The following PMP22 variants were observed in gnomAD, a reference collection of about 807,000 sequenced individuals.
The protein encoded by PMP22 is peripheral myelin protein 22, also known as Charcot-Marie-Tooth neuropathy 1A (greatly reduced nerve conduction velocity, hereditary motor sensory neuropathy Ia).
Under a neutral mutation model 18.9 loss-of-function variants are expected in PMP22, and 2 were observed. The ratio of observed to expected loss-of-function variants is 0.11; its 90% CI spans 0.04 to 0.33. The LOEUF (loss-of-function observed/expected upper bound fraction) is 0.33, where lower values mean the gene tolerates loss of function less well. Ranked by LOEUF, PMP22 falls within the 10% of genes least tolerant of loss-of-function variation. The pLI is 1.00. For missense variants in PMP22, 169 were observed against 202.2 expected (o/e 0.84, Z 1.00); for synonymous variants, 95 against 89.2 (o/e 1.07, Z -0.37).
intron 3 of PMP22, among the ~76,000 whole-genome samples, chr17:15,255,815 A>T (rs9899940): frequency 0.092 from 13,943 of 152,056 alleles, 2,049 homozygotes; most frequent in African/African-American, 0.31. Context: ...GAGATTTCCC[A>T]TCCGCTTCCT....
intron 2 of PMP22, 35 bp downstream of exon 2, chr17:15,260,615 G>A: frequency 6.5e-7 from 1 of 1,530,780 alleles, no homozygotes; most frequent in Non-Finnish European, 8.9e-7. Flanking sequence ...GGGGAAGGGC[G>A]GGCCGCGCAG....
At chr17:15,241,545 C>T (rs887392043) in intron 3 of PMP22, among the ~76,000 whole-genome samples, 2 of 152,106 alleles carry the variant, frequency 1.3e-5, no homozygotes, top group Non-Finnish European at 2.9e-5. Context: ...ACTGTCTTCA[C>T]CCTTAACCCC....
intron 3 of PMP22, among the ~76,000 whole-genome samples, chr17:15,257,430 T>C (rs569464457): frequency 4.6e-5 from 7 of 152,370 alleles, no homozygotes; most frequent in African/African-American, 1.7e-4. Flanking sequence ...TCCAGGATTC[T>C]GTGCCAAGCC....
intron 3 of PMP22, among the ~76,000 whole-genome samples, chr17:15,256,327 G>C (rs1311106014): frequency 1.3e-5 from 2 of 152,074 alleles, no homozygotes; most frequent in Non-Finnish European, 2.9e-5. Flanking sequence ...TCATGCACCA[G>C]AAAAATGAGT....
At chr17:15,263,583 G>GCGCACACACACA (rs71353722) in intron 1 of PMP22, among the ~76,000 whole-genome samples, 107 of 150,048 alleles carry the variant, frequency 7.1e-4, no homozygotes, top group African/African-American at 2.5e-3. Flanking sequence ...GCACGCGCGC[G>GCGCACACACACA]CACACACACA....
intron 3 of PMP22, among the ~76,000 whole-genome samples, chr17:15,247,170 C>A (rs192893779): frequency 6.6e-6 from 1 of 150,808 alleles, no homozygotes; most frequent in African/African-American, 2.4e-5. Context: ...GAGATTGAGA[C>A]CATCCTGGCT....
chr17:15,229,822 G>A lies in PMP22; in HGVS notation c.*1095C>T, dbSNP rs1906156224. 1 of 152,628 alleles carries A rather than the reference G, an allele frequency of 6.6e-6. No individual in the cohort carries two copies. The highest frequency in any genetic ancestry group is 1.5e-5 in the Non-Finnish European group (1 of 68,056). 9.5% of individuals were successfully genotyped at this position (152,628 alleles called of 1,614,324 possible). On this transcript the variant is annotated 3_prime_UTR_variant, in exon 5 of 5. Coordinates refer to ENST00000312280, the MANE Select transcript of PMP22 (RefSeq NM_000304.4). ...ATTTTAATGCATCTTAGTCCACACA[G>A]TTGGTATAAAATCAGAAAATGCAAA...
intron 3 of PMP22, among the ~76,000 whole-genome samples, chr17:15,257,244 T>TAAGAGA (rs1908915317): frequency 6.6e-6 from 1 of 152,216 alleles, no homozygotes; most frequent in Non-Finnish European, 1.5e-5. Context: ...CTGACAGCTA[T>TAAGAGA]TTCCAACGGC....
chr17:15,262,012 GA>G, intron 1 of PMP22, among the ~76,000 whole-genome samples: 1 of 152,308 alleles, frequency 6.6e-6, no homozygotes, highest in South Asian at 2.1e-4. Context: ...AATAAACAAG[GA>G]TTTCTGATGA....
In PMP22 at chr17:15,258,809, C is replaced by T. The variant is rs1046040877; in HGVS notation, c.178+285G>A. 4 of 455,394 alleles carry T rather than the reference C, an allele frequency of 8.8e-6. No homozygotes were observed. The highest frequency in any genetic ancestry group is 2.1e-5 in the South Asian group (1 of 48,276). The allele number at this position is 455,394 out of a possible 1,614,324, so 28.2% of individuals were successfully genotyped here. A position where few individuals can be genotyped will look rare whatever the true frequency, so the allele number is the denominator to read the frequency against. ...CATACCACCTTCACAGCTCCCAGGT[C>T]GATATTTTTTTCAATCACAAAAAGC... On this transcript the variant is annotated intron_variant, in intron 3 of 4. Coordinates refer to ENST00000312280, the MANE Select transcript of PMP22 (RefSeq NM_000304.4). This position sits in a 1 kb window ranked among gnomAD's most constrained non-coding sequence, Gnocchi z 4.1.
At chr17:15,236,488 C>T (rs777286715) in intron 4 of PMP22, among the ~76,000 whole-genome samples, 1 of 152,202 alleles carries the variant, frequency 6.6e-6, no homozygotes. Flanking sequence ...ACTTAAAACG[C>T]TCCAGTGCAT....
At chr17:15,245,317 C>T (rs570106309) in intron 3 of PMP22, among the ~76,000 whole-genome samples, 1 of 152,312 alleles carries the variant, frequency 6.6e-6, no homozygotes, top group East Asian at 1.9e-4. Context: ...ATATCACACA[C>T]TCCAGAAATG....
Position 15,231,059 on chromosome 17 carries a change from G to A in PMP22, c.341C>T (p.Ala114Val), listed in dbSNP as rs1217342392. The A allele has an allele frequency of 5.0e-6, 8 of 1,613,928 alleles. No homozygotes were observed. In the South Asian group the frequency reaches 6.6e-5, roughly 13 times the overall value. Residue 114 changes from alanine (A) to valine (V), a missense_variant, in exon 5 of 5, where the codon GCG becomes GTG. Physicochemically the swap from Ala to Val is moderately conservative, Grantham distance 64. Coordinates refer to ENST00000312280, the MANE Select transcript of PMP22 (RefSeq NM_000304.4). ...CGGGTGCCTCACCGTGTAGATGGCC[G>A]CAGCACTCATCACGCACAGACCTGG... ...ILAGLCVMSA[A>V]AIYTVRHPEW...
intron 4 of PMP22, among the ~76,000 whole-genome samples, chr17:15,235,963 T>G (rs1311579406): frequency 6.6e-6 from 1 of 152,052 alleles, no homozygotes; most frequent in Non-Finnish European, 1.5e-5. Context: ...TTTCACCATG[T>G]TGGCCGGGCT....
At chr17:15,238,347 A>C (rs1906985172) in intron 4 of PMP22, among the ~76,000 whole-genome samples, 1 of 152,186 alleles carries the variant, frequency 6.6e-6, no homozygotes, top group Non-Finnish European at 1.5e-5. Flanking sequence ...GTCTTCCCAT[A>C]CAACCCTATT....
At chr17:15,256,279 A>T (rs1378257204) in intron 3 of PMP22, among the ~76,000 whole-genome samples, 1 of 152,186 alleles carries the variant, frequency 6.6e-6, no homozygotes, top group Non-Finnish European at 1.5e-5. Flanking sequence ...AGAAAACAAC[A>T]TGAGTGGCAA....
In PMP22 at chr17:15,243,715, G is replaced by T. The variant is rs891754215; in HGVS notation, c.179-4104C>A. On this transcript the variant is annotated intron_variant, in intron 3 of 4. Coordinates refer to ENST00000312280, the MANE Select transcript of PMP22 (RefSeq NM_000304.4). Reference sequence around the variant, plus strand: ...TATAATTATAGAACATATCATAGAAGTATGATATATAATTATATAATATAT... The same window carrying T: ...TATAATTATAGAACATATCATAGAATTATGATATATAATTATATAATATAT... Among the ~76,000 whole-genome samples, 4 of 147,416 alleles carry T rather than the reference G, an allele frequency of 2.7e-5. No homozygotes were observed. The East Asian group carries it at 5.9e-4, about 22-fold the overall frequency.
intron 4 of PMP22, 107 bp from the exon 5 acceptor site, chr17:15,231,187 C>T: frequency 1.8e-6 from 2 of 1,109,988 alleles, no homozygotes; most frequent in Non-Finnish European, 2.7e-6. Context: ...AACATTTCTA[C>T]CTCTGGAAGG....
chr17:15,231,232 A>G, intron 4 of PMP22, 152 bp from the exon 5 acceptor site: 1 of 796,284 alleles, frequency 1.3e-6, no homozygotes, highest in Non-Finnish European at 2.1e-6. Context: ...GAAAGGAGGT[A>G]GCACAAAAAT....
Sources: gnomAD v4.1 joint callset for allele counts (sites outside exome capture counted in the v4.1 genomes callset) on GRCh38, gnomAD v4.1.1 for gene constraint, Gnocchi (gnomAD v3.1) non-coding constraint, MANE v1.5 for transcripts, NCBI Gene and HGNC (gene_info 2026-07-23, HGNC 2026-07-21) for gene names.